The following GBE1 variants were observed in gnomAD, a reference collection of about 807,000 sequenced individuals.
GBE1 encodes 1,4-alpha-glucan-branching enzyme.
A neutral mutation model predicts 88.8 loss-of-function variants in GBE1; 70 were observed. That is an observed-to-expected ratio of 0.79 (90% CI 0.65 to 0.96). GBE1 has a LOEUF of 0.96. GBE1 is among the 40% of genes least tolerant of loss of function. The pLI, the probability that GBE1 is intolerant of heterozygous loss-of-function variation, is 0.00. For missense variants in GBE1, 872 were observed against 871.0 expected, an observed-to-expected ratio of 1.00 and a Z score of -0.01; for synonymous variants, 284 against 300.1, an observed-to-expected ratio of 0.95 and a Z score of 0.56.
intron 14 of GBE1, among the ~76,000 whole-genome samples, chr3:81,533,334 C>T (rs116191628): frequency 0.01 from 1,547 of 151,508 alleles, 25 homozygotes; most frequent in African/African-American, 0.035. Flanking sequence ...TGTAGATAAC[C>T]CATCACATTG....
chr3:81,703,039 G>C (rs1279899781), intron 2 of GBE1, among the ~76,000 whole-genome samples: 1 of 151,792 alleles, frequency 6.6e-6, no homozygotes, highest in Admixed American at 6.6e-5. Context: ...TATTAATGGT[G>C]GTTCTTATAG....
At chr3:81,627,781 TTTGTTG>T (rs1704439794) in intron 7 of GBE1, among the ~76,000 whole-genome samples, 1 of 150,018 alleles carries the variant, frequency 6.7e-6, no homozygotes, top group South Asian at 2.1e-4. Flanking sequence ...AACATATATA[TTTGTTG>T]TTGTTGTTGT....
At chr3:81,760,451 A>G (rs1706663686) in intron 1 of GBE1, among the ~76,000 whole-genome samples, 1 of 152,234 alleles carries the variant, frequency 6.6e-6, no homozygotes, top group South Asian at 2.1e-4. Flanking sequence ...AAAATTGGCC[A>G]TGTATATTCT....
At chr3:81,750,467 C>A (rs180977763) in intron 1 of GBE1, among the ~76,000 whole-genome samples, 1 of 142,658 alleles carries the variant, frequency 7.0e-6, no homozygotes, top group Non-Finnish European at 1.5e-5. Flanking sequence ...TTCATGAGCC[C>A]AAGATAAGAT....
chr3:81,644,183 T>C (rs535457696), intron 6 of GBE1, among the ~76,000 whole-genome samples: 1 of 152,220 alleles, frequency 6.6e-6, no homozygotes, highest in African/African-American at 2.4e-5. Context: ...TAAACACCAC[T>C]GATCATATGG....
At position 81,743,450 on chromosome 3, in the gene GBE1, A is replaced by C. The variant is rs1706379028; in HGVS notation, c.143+17925T>G. On this transcript the variant is annotated intron_variant, in intron 1 of 15. Transcript: ENST00000429644. ...CAATCATGAACACACATACACCCCC[A>C]CAATATTATCACTAGTTTTAAGTTT... The C allele has an allele frequency of 8.1e-6, 6 of 739,344 alleles. No homozygotes were observed. In the South Asian group the frequency reaches 9.3e-5, roughly 11 times the overall value. The allele number at this position is 739,344 out of a possible 1,614,324, so 45.8% of individuals were successfully genotyped here.
At chr3:81,719,920 A>G (rs1301956254) in intron 1 of GBE1, among the ~76,000 whole-genome samples, 6 of 152,202 alleles carry the variant, frequency 3.9e-5, no homozygotes, top group Non-Finnish European at 7.4e-5. Flanking sequence ...CCAGAGAGCC[A>G]TGGATGTTAG....
Position 81,527,372 on chromosome 3 carries a change from G to A in GBE1, c.1934+7823C>T, listed in dbSNP as rs1295024694. On this transcript the variant is annotated intron_variant, in intron 14 of 15. Coordinates refer to ENST00000429644, the MANE Select transcript of GBE1 (RefSeq NM_000158.4). ...AACAAAAGCCAAAATTGACAAATGG[G>A]ATCTAATTAAACTAAAGAGCTTCTG... Among the ~76,000 whole-genome samples, 3 of 152,068 alleles carry A rather than the reference G, an allele frequency of 2.0e-5. No homozygotes were observed. The East Asian group carries it at 5.8e-4, about 29-fold the overall frequency.
At chr3:81,663,997 T>A (rs1461744415) in intron 3 of GBE1, among the ~76,000 whole-genome samples, 2 of 152,048 alleles carry the variant, frequency 1.3e-5, no homozygotes. Context: ...GAAATAATCA[T>A]AAAAAGGGGC....
chr3:81,587,033 G>A lies in GBE1; in HGVS notation c.1237-843C>T, dbSNP rs572536265. On this transcript the variant is annotated intron_variant, in intron 9 of 15. Coordinates refer to ENST00000429644, the MANE Select transcript of GBE1 (RefSeq NM_000158.4). ...TCTCGAACTCCTGACCGTTCGAGACGGGAGTCCGAACTCCCATCTCGGCCT... is the reference window on the plus strand; with the variant it reads ...TCTCGAACTCCTGACCGTTCGAGACAGGAGTCCGAACTCCCATCTCGGCCT... 6.6e-5 allele frequency among the ~76,000 whole-genome samples: 10 copies of A among 151,994 alleles called. No individual in the cohort carries two copies. In the South Asian group the frequency reaches 1.0e-3, roughly 16 times the overall value.
chr3:81,544,398 C>A (rs1703179013), intron 12 of GBE1, among the ~76,000 whole-genome samples: 1 of 151,992 alleles, frequency 6.6e-6, no homozygotes, highest in South Asian at 2.1e-4. Context: ...TGATTATGAT[C>A]AGTAGTGTAA....
intron 14 of GBE1, among the ~76,000 whole-genome samples, chr3:81,528,482 T>C (rs1479052148): frequency 6.6e-6 from 1 of 152,078 alleles, no homozygotes; most frequent in Non-Finnish European, 1.5e-5. Flanking sequence ...TCTGTAAATA[T>C]GTATCAGGTG....
At chr3:81,533,973 G>A (rs747164277) in intron 14 of GBE1, among the ~76,000 whole-genome samples, 5 of 152,142 alleles carry the variant, frequency 3.3e-5, no homozygotes, top group Middle Eastern at 3.4e-3. Flanking sequence ...GGGGAAACTA[G>A]ACGTTAGGGT....
At chr3:81,624,869 C>T (rs766280496) in intron 7 of GBE1, among the ~76,000 whole-genome samples, 7 of 152,076 alleles carry the variant, frequency 4.6e-5, no homozygotes, top group African/African-American at 9.7e-5. Flanking sequence ...GAATTAGCTA[C>T]GTTTATGCTC....
At chr3:81,650,834 T>C (rs990637120) in intron 3 of GBE1, among the ~76,000 whole-genome samples, 1 of 151,358 alleles carries the variant, frequency 6.6e-6, no homozygotes, top group Non-Finnish European at 1.5e-5. Context: ...TCAGCTAATT[T>C]TGGGGGGGTC....
intron 12 of GBE1, among the ~76,000 whole-genome samples, chr3:81,545,887 T>C (rs1703199859): frequency 6.6e-6 from 1 of 152,132 alleles, no homozygotes; most frequent in South Asian, 2.1e-4. Context: ...ACCTGCTCAT[T>C]AGTCACTTAA....
rs1441937130 is a variant in GBE1 at position 81,706,955 on chromosome 3, A to C, written c.144-1342T>G. On this transcript the variant is annotated intron_variant, in intron 1 of 15. Transcript: ENST00000429644. ...TGAAATAATTAAAGAAAAACAATGA[A>C]TTTGAATATATTAAAAAGAACCTAA... Among the ~76,000 whole-genome samples the C allele has an allele frequency of 2.6e-5, 4 of 152,150 alleles. No individual in the cohort carries two copies. In the East Asian group the frequency reaches 5.8e-4, roughly 22 times the overall value.
At chr3:81,632,925 G>A (rs1704536774) in intron 7 of GBE1, among the ~76,000 whole-genome samples, 1 of 152,072 alleles carries the variant, frequency 6.6e-6, no homozygotes, top group South Asian at 2.1e-4. Flanking sequence ...TTTGGTTTCT[G>A]ACCTTGAGGC....
At chr3:81,567,609 T>C (rs2106918563) in intron 12 of GBE1, among the ~76,000 whole-genome samples, 1 of 152,358 alleles carries the variant, frequency 6.6e-6, no homozygotes, top group East Asian at 1.9e-4. Flanking sequence ...TAATGGCTGC[T>C]TAAGCCAAAA....
Sources: gnomAD v4.1 joint callset for allele counts (sites outside exome capture counted in the v4.1 genomes callset) on GRCh38, gnomAD v4.1.1 for gene constraint, MANE v1.5 for transcripts, NCBI Gene and HGNC (gene_info 2026-07-23, HGNC 2026-07-21) for gene names.